The following FLOT2 variants were observed in gnomAD, a reference collection of about 807,000 sequenced individuals.
The protein encoded by FLOT2 is flotillin-2.
Under a neutral mutation model 54.9 loss-of-function variants are expected in FLOT2, and 35 were observed. That is an observed-to-expected ratio of 0.64 (90% CI 0.49 to 0.84). The LOEUF (loss-of-function observed/expected upper bound fraction) is 0.84, where lower values mean the gene tolerates loss of function less well. FLOT2 is among the 40% of genes least tolerant of loss of function. FLOT2 has a pLI of 0.00. For missense variants in FLOT2, 464 were observed against 572.1 expected (o/e 0.81, Z 1.93); for synonymous variants, 207 against 228.9 (o/e 0.90, Z 0.86).
At position 28,897,632 on chromosome 17, in the gene FLOT2, T is replaced by G; in HGVS notation, c.-58A>C. ...CACAGACCCGGACAACAGCAGCGGG[T>G]CTGCAGCGCCGGCCGCGCCCAGCCT... On this transcript the variant is annotated 5_prime_UTR_variant, in exon 1 of 11. Transcript: ENST00000394908. The surrounding 1 kb of genome is among the most constrained non-coding windows in gnomAD (Gnocchi z 4.4). 2 of 1,404,584 alleles carry G rather than the reference T, an allele frequency of 1.4e-6. No individual in the cohort carries two copies. Among genetic ancestry groups the G allele is most frequent in the Non-Finnish European group, 1.9e-6 (2 of 1,064,702 alleles). 87.0% of individuals were successfully genotyped at this position (1,404,584 alleles called of 1,614,324 possible).
At position 28,881,341 on chromosome 17, in the gene FLOT2, CA is replaced by C; in HGVS notation, c.948del (p.Glu317ArgfsTer25). ...GCCTCCCCGATTTTGCGGATCTTCT[CA>C]GCCTCTGCCTGTGCCAAGAGGACCT... ...VKQVLLAQAEAEKIRKIGEAE... is the reference protein window; with the variant it reads ...VKQVLLAQAEXEKIRKIGEAE... On this transcript the variant is annotated frameshift_variant, in exon 9 of 11. Transcript: ENST00000394908. LOFTEE classifies it high-confidence loss of function. 3.1e-6 allele frequency: 5 copies of C among 1,613,438 alleles called. No homozygotes were observed. Among genetic ancestry groups the C allele is most frequent in the Non-Finnish European group, 4.2e-6 (5 of 1,180,042 alleles).
At position 28,879,656 on chromosome 17, in the gene FLOT2, C is replaced by G; in HGVS notation, c.*905G>C. 1 of 986,026 alleles carries G rather than the reference C, an allele frequency of 1.0e-6. No individual in the cohort carries two copies. Among genetic ancestry groups the G allele is most frequent in the Non-Finnish European group, 1.2e-6 (1 of 830,076 alleles). The allele number at this position is 986,026 out of a possible 1,614,324, so 61.1% of individuals were successfully genotyped here. A position where few individuals can be genotyped will look rare whatever the true frequency, so the allele number is the denominator to read the frequency against. On this transcript the variant is annotated 3_prime_UTR_variant, in exon 11 of 11. Transcript: ENST00000394908. ...TCTGGCCAGGCTACAGCACTCGATTCTGTACAGGGTTGGCACAGCCTTGTC... is the reference window on the plus strand; with the variant it reads ...TCTGGCCAGGCTACAGCACTCGATTGTGTACAGGGTTGGCACAGCCTTGTC...
intron 10 of FLOT2, 35 bp from the exon 11 acceptor site, chr17:28,880,634 C>G (rs1250858225): frequency 1.9e-6 from 3 of 1,613,882 alleles, no homozygotes; most frequent in Admixed American, 1.7e-5. Context: ...GACCTTGGCT[C>G]CAGAGCCCAG....
Position 28,881,891 on chromosome 17 carries a change from G to A in FLOT2, c.837C>T (p.Asp279=). 4 of 1,613,814 alleles carry A rather than the reference G, an allele frequency of 2.5e-6. No homozygotes were observed. Among genetic ancestry groups the A allele is most frequent in the Non-Finnish European group, 3.4e-6 (4 of 1,180,050 alleles). The change falls in exon 8 of 11, where the codon GAC becomes GAT. Residue 279 remains aspartate, a synonymous_variant. Transcript: ENST00000394908. The part of the protein sequence containing the change: ...AVEAQEILRT[D]KELIATVRRP... Reference sequence around the variant, plus strand: ...GGCGCACTGTAGCGATGAGCTCCTTGTCCGTACGCAGGATCTCCTGTGCCT... The same window carrying A: ...GGCGCACTGTAGCGATGAGCTCCTTATCCGTACGCAGGATCTCCTGTGCCT...
At chr17:28,886,064 G>GGGGGGGGGGGA in intron 2 of FLOT2, 1 of 601,678 alleles carries the variant, frequency 1.7e-6, no homozygotes, top group Non-Finnish European at 3.1e-6. Context: ...GGGGCGGGGG[G>GGGGGGGGGGGA]GGGCATGCTG....
chr17:28,890,471 C>T (rs1195394855), intron 1 of FLOT2, among the ~76,000 whole-genome samples: 2 of 151,390 alleles, frequency 1.3e-5, no homozygotes, highest in Non-Finnish European at 2.9e-5. Flanking sequence ...ACTGCAAGCT[C>T]CACCTCCCGG....
In FLOT2 at chr17:28,884,655, T is replaced by C. The variant is rs1239275967; in HGVS notation, c.132-340A>G. ...GTGTAGCTGTGTGTATGTTCTAGGA[T>C]AGCAAGTCAGTGCTGGTCCTCCCGG... is the stretch of plus-strand genomic sequence containing the variant. On this transcript the variant is annotated intron_variant, in intron 2 of 10. Coordinates refer to ENST00000394908, the MANE Select transcript of FLOT2 (RefSeq NM_004475.3). This position sits in a 1 kb window ranked among gnomAD's most constrained non-coding sequence, Gnocchi z 5.1. 6.6e-6 allele frequency among the ~76,000 whole-genome samples: 1 copy of C among 152,154 alleles called. No homozygotes were observed. Among genetic ancestry groups the C allele is most frequent in the Non-Finnish European group, 1.5e-5 (1 of 68,010 alleles).
At chr17:28,891,315 C>T (rs564156671) in intron 1 of FLOT2, among the ~76,000 whole-genome samples, 63 of 152,286 alleles carry the variant, frequency 4.1e-4, no homozygotes, top group African/African-American at 1.4e-3. Context: ...TGAGGACTCA[C>T]GGCAGGGAAT....
chr17:28,882,613 A>C lies in FLOT2; in HGVS notation c.425T>G (p.Val142Gly). 1 of 1,613,670 alleles carries C rather than the reference A, an allele frequency of 6.2e-7. No homozygotes were observed. Among genetic ancestry groups the C allele is most frequent in the Non-Finnish European group, 8.5e-7 (1 of 1,179,754 alleles). Residue 142 changes from valine to glycine, a missense_variant, in exon 5 of 11, where the codon GTT (valine) becomes GGT (glycine). Val to Gly is a moderately radical substitution (Grantham distance 109). Transcript: ENST00000394908. This position sits in a 1 kb window ranked among gnomAD's most constrained non-coding sequence, Gnocchi z 5.6. ...GAGGATCTCAATGCCCATGCGGCCA[A>C]CATCAGGGGCTGCCACCTCCCGCAC... ...KLVREVAAPD[V>G]GRMGIEILSF...
At chr17:28,896,847 C>T (rs2039749534) in intron 1 of FLOT2, among the ~76,000 whole-genome samples, 1 of 152,146 alleles carries the variant, frequency 6.6e-6, no homozygotes, top group Non-Finnish European at 1.5e-5. Context: ...CAAAGCGCCC[C>T]AAATATAAAA....
At chr17:28,889,334 CTTTTTT>C (rs549356750) in intron 1 of FLOT2, among the ~76,000 whole-genome samples, 3 of 144,406 alleles carry the variant, frequency 2.1e-5, no homozygotes, top group African/African-American at 7.6e-5. Context: ...TCTGAAAAAG[CTTTTTT>C]TTTTTTTCAG....
chr17:28,894,732 T>A (rs1472011917), intron 1 of FLOT2, among the ~76,000 whole-genome samples: 12 of 140,254 alleles, frequency 8.6e-5, no homozygotes, highest in Non-Finnish European at 1.7e-4. Context: ...AGGTCGAGGC[T>A]GCAGTGAGCT....
At position 28,879,646 on chromosome 17, in the gene FLOT2, G is replaced by A; in HGVS notation, c.*915C>T. Reference sequence around the variant, plus strand: ...GGCTCTGGGGTCTGGCCAGGCTACAGCACTCGATTCTGTACAGGGTTGGCA... The same window carrying A: ...GGCTCTGGGGTCTGGCCAGGCTACAACACTCGATTCTGTACAGGGTTGGCA... On this transcript the variant is annotated 3_prime_UTR_variant, in exon 11 of 11. Transcript: ENST00000394908. The A allele has an allele frequency of 1.0e-6, 1 of 986,022 alleles. No homozygotes were observed. Among genetic ancestry groups the A allele is most frequent in the Non-Finnish European group, 1.2e-6 (1 of 830,088 alleles). The allele number at this position is 986,022 out of a possible 1,614,324, so 61.1% of individuals were successfully genotyped here. A position where few individuals can be genotyped will look rare whatever the true frequency, so the allele number is the denominator to read the frequency against.
At chr17:28,880,664 G>C (rs1223616229) in intron 10 of FLOT2, 49 bp downstream of exon 10, 8 of 1,613,944 alleles carry the variant, frequency 5.0e-6, no homozygotes, top group Non-Finnish European at 6.8e-6. Context: ...GCCTGGGCCA[G>C]TCCGACGGGC....
At chr17:28,885,977 T>A in intron 2 of FLOT2, 2 of 1,414,804 alleles carry the variant, frequency 1.4e-6, no homozygotes, top group African/African-American at 3.1e-5. Context: ...TGGGGAGAGG[T>A]AGGGACAGGA....
chr17:28,888,872 A>G (rs1218527815), intron 2 of FLOT2, 73 bp downstream of exon 2: 2 of 1,194,172 alleles, frequency 1.7e-6, no homozygotes, highest in Non-Finnish European at 2.4e-6. Context: ...CTCAGAGTGA[A>G]GCAGAACAAT....
rs1055789231 is a variant in FLOT2 at position 28,883,992 on chromosome 17, G to A, written c.222+233C>T. ...GCCCTCAGCACTGGTTCTGTCCCTC[G>A]TGGGCCCGCTGAGGAGAGAAGGGGT... On this transcript the variant is annotated intron_variant, in intron 3 of 10. Transcript: ENST00000394908. The surrounding 1 kb of genome is among the most constrained non-coding windows in gnomAD (Gnocchi z 5.0). Among the ~76,000 whole-genome samples the A allele has an allele frequency of 1.3e-5, 2 of 152,208 alleles. No individual in the cohort carries two copies. The highest frequency in any genetic ancestry group is 2.9e-5 in the Non-Finnish European group (2 of 68,048).
intron 1 of FLOT2, among the ~76,000 whole-genome samples, chr17:28,890,678 G>A (rs539977862): frequency 4.6e-5 from 7 of 152,086 alleles, no homozygotes; most frequent in Non-Finnish European, 7.4e-5. Flanking sequence ...GAGCCACTGC[G>A]CCCGGCAATT....
chr17:28,890,274 G>A (rs1183696789), intron 1 of FLOT2, among the ~76,000 whole-genome samples: 1 of 152,180 alleles, frequency 6.6e-6, no homozygotes, highest in East Asian at 1.9e-4. Context: ...AGTGGTTCTT[G>A]GAAACAGTGT....
Sources: gnomAD v4.1 joint callset for allele counts (sites outside exome capture counted in the v4.1 genomes callset) on GRCh38, gnomAD v4.1.1 for gene constraint, Gnocchi (gnomAD v3.1) non-coding constraint, MANE v1.5 for transcripts, NCBI Gene and HGNC (gene_info 2026-07-23, HGNC 2026-07-21) for gene names.